SYNE1: variants seen among roughly 807,000 people sequenced by gnomAD.
SYNE1 encodes the protein spectrin repeat containing nuclear envelope protein 1.
In SYNE1, 616 loss-of-function variants were observed where a neutral mutation model predicts 1,111.0. The observed-to-expected ratio is 0.55, with a 90% CI of 0.52 to 0.59. SYNE1 has a LOEUF of 0.59. SYNE1 is among the 20% of genes least tolerant of loss of function. The probability of loss-of-function intolerance (pLI) is 0.00; values close to 1 mark genes in which losing one functional copy is unlikely to be tolerated. For synonymous variants in SYNE1, 3,855 were observed against 3,825.8 expected, an observed-to-expected ratio of 1.01 and a Z score of -0.28; for missense variants, 10,006 against 10,417.0, an observed-to-expected ratio of 0.96 and a Z score of 1.72.
At chr6:152,199,737 G>A (rs2075009411) in intron 127 of SYNE1, among the ~76,000 whole-genome samples, 1 of 152,206 alleles carries the variant, frequency 6.6e-6, no homozygotes, top group South Asian at 2.1e-4. Context: ...TAGCGGTGCT[G>A]TCTGAGGCTA....
At chr6:152,629,717 C>T (rs1042856980) in intron 2 of SYNE1, among the ~76,000 whole-genome samples, 1 of 151,880 alleles carries the variant, frequency 6.6e-6, no homozygotes, top group Admixed American at 6.6e-5. Context: ...GAATAATGCA[C>T]CAAGAGAAAG....
intron 128 of SYNE1, among the ~76,000 whole-genome samples, chr6:152,182,969 G>A (rs1563284908): frequency 8.0e-6 from 1 of 125,682 alleles, no homozygotes; most frequent in Non-Finnish European, 1.6e-5. Flanking sequence ...GAATAATACA[G>A]AACAGTCAAA....
intron 56 of SYNE1, among the ~76,000 whole-genome samples, chr6:152,380,237 G>A (rs779999595): frequency 3.3e-5 from 5 of 152,172 alleles, no homozygotes; most frequent in Non-Finnish European, 5.9e-5. Context: ...TGAAATGATT[G>A]TAATATAAAT....
At chr6:152,484,768 T>TA in intron 13 of SYNE1, 67 bp downstream of exon 13, 2 of 1,552,514 alleles carry the variant, frequency 1.3e-6, no homozygotes, top group Non-Finnish European at 8.9e-7. Context: ...TGTGTAGAAA[T>TA]AGATGATGAA....
chr6:152,213,123 A>C (rs1231947672), intron 123 of SYNE1, among the ~76,000 whole-genome samples: 1 of 152,176 alleles, frequency 6.6e-6, no homozygotes, highest in Non-Finnish European at 1.5e-5. Context: ...AATAATTATA[A>C]TGCAATTTAA....
At chr6:152,464,242 C>T (rs533117868) in intron 18 of SYNE1, among the ~76,000 whole-genome samples, 38 of 152,262 alleles carry the variant, frequency 2.5e-4, no homozygotes, top group South Asian at 8.3e-4. Context: ...TGTGTGCACA[C>T]GCACACACAC....
intron 6 of SYNE1, among the ~76,000 whole-genome samples, chr6:152,518,298 A>T (rs1305223603): frequency 1.3e-5 from 2 of 151,490 alleles, no homozygotes; most frequent in Non-Finnish European, 2.9e-5. Context: ...CCAATGTTGA[A>T]AGTGAACCCT....
intron 59 of SYNE1, 69 bp downstream of exon 59, chr6:152,372,968 G>A: frequency 2.6e-6 from 4 of 1,551,888 alleles, no homozygotes; most frequent in Non-Finnish European, 3.6e-6. Context: ...TACAGAAACT[G>A]TGATTTCACT....
intron 87 of SYNE1, among the ~76,000 whole-genome samples, chr6:152,312,745 C>T (rs1359966833): frequency 6.6e-6 from 1 of 150,440 alleles, no homozygotes; most frequent in Non-Finnish European, 1.5e-5. Context: ...ACTTTATAAC[C>T]CAGAAATAAC....
intron 3 of SYNE1, among the ~76,000 whole-genome samples, chr6:152,554,285 T>C (rs548286058): frequency 6.6e-6 from 1 of 152,280 alleles, no homozygotes; most frequent in Middle Eastern, 3.4e-3. Flanking sequence ...TATGCTATGT[T>C]CGATACACTG....
chr6:152,581,595 G>A (rs954293506), intron 3 of SYNE1, among the ~76,000 whole-genome samples: 6 of 152,090 alleles, frequency 3.9e-5, no homozygotes, highest in Non-Finnish European at 5.9e-5. Context: ...CGTCTCATCC[G>A]TCACCTTTGC....
At chr6:152,537,489 T>C (rs530994782) in intron 4 of SYNE1, among the ~76,000 whole-genome samples, 2 of 152,180 alleles carry the variant, frequency 1.3e-5, no homozygotes, top group African/African-American at 2.4e-5. Context: ...AATAAAAGCA[T>C]GTTTTAAAAA....
intron 3 of SYNE1, among the ~76,000 whole-genome samples, chr6:152,593,465 C>T (rs2099572591): frequency 6.6e-6 from 1 of 152,000 alleles, no homozygotes; most frequent in Admixed American, 6.6e-5. Context: ...GCCTGTAGTC[C>T]CAGCTATTCG....
chr6:152,427,613 A>T, intron 38 of SYNE1, 80 bp downstream of exon 38: 1 of 1,526,480 alleles, frequency 6.6e-7, no homozygotes, highest in Non-Finnish European at 9.0e-7. Flanking sequence ...GTACAAGTTT[A>T]TTTATTTTAT....
Position 152,416,555 on chromosome 6 carries a change from C to G in SYNE1, c.5882G>C (p.Arg1961Thr). The G allele has an allele frequency of 6.2e-7, 1 of 1,614,066 alleles. No individual in the cohort carries two copies. The highest frequency in any genetic ancestry group is 1.3e-5 in the African/African-American group (1 of 74,998). ...TADQLCGEVE[R>T]IQNLLGTKQS... is the part of the protein sequence containing the mutation. Reference sequence around the variant, plus strand: ...CTTGGTTCCCAGAAGGTTCTGGATCCTCTCTACCTCTCCACAGAGCTGATC... The same window carrying G: ...CTTGGTTCCCAGAAGGTTCTGGATCGTCTCTACCTCTCCACAGAGCTGATC... Residue 1961 changes from arginine (R) to threonine (T), a missense_variant, in exon 41 of 146, where the codon AGG (arginine) becomes ACG (threonine). Arg to Thr is a moderately conservative substitution (Grantham distance 71). Around this residue, in one of 7 missense-constraint regions of SYNE1, gnomAD observed 4,955 missense variants for 5,017.2 expected, o/e 0.99. Transcript: ENST00000367255.
At chr6:152,197,086 C>T (rs1398238909) in intron 127 of SYNE1, among the ~76,000 whole-genome samples, 2 of 152,148 alleles carry the variant, frequency 1.3e-5, no homozygotes, top group African/African-American at 4.8e-5. Flanking sequence ...GGCTCTCCTT[C>T]CTCGATATGC....
At chr6:152,466,634 A>G (rs2098769972) in intron 16 of SYNE1, among the ~76,000 whole-genome samples, 1 of 152,170 alleles carries the variant, frequency 6.6e-6, no homozygotes, top group Non-Finnish European at 1.5e-5. Context: ...TTGCAGTAAG[A>G]CATGTTTATA....
chr6:152,496,778 A>G (rs2154315968), intron 11 of SYNE1, among the ~76,000 whole-genome samples: 1 of 152,302 alleles, frequency 6.6e-6, no homozygotes, highest in South Asian at 2.1e-4. Context: ...CCAAGTCTGC[A>G]CGTATACATT....
chr6:152,427,519 C>A, intron 38 of SYNE1, 174 bp downstream of exon 38: 1 of 714,154 alleles, frequency 1.4e-6, no homozygotes, highest in Non-Finnish European at 2.3e-6. Context: ...CTCTCCCTTT[C>A]AGGTCATGGT....
Sources: gnomAD v4.1 joint callset for allele counts (sites outside exome capture counted in the v4.1 genomes callset) on GRCh38, gnomAD v4.1.1 for gene constraint, gnomAD v4.1.1 regional missense constraint, MANE v1.5 for transcripts, NCBI Gene and HGNC (gene_info 2026-07-23, HGNC 2026-07-21) for gene names.